Variants in ACSM2A observed in about 807,000 individuals in gnomAD.
ACSM2A encodes acyl-coenzyme A synthetase ACSM2A, mitochondrial.
ACSM2A carries 72 observed loss-of-function variants against 76.6 expected under a neutral mutation model. That is an observed-to-expected ratio of 0.94 (90% CI 0.78 to 1.14). The LOEUF is 1.14. ACSM2A is among the 50% of genes most tolerant of loss of function. ACSM2A has a pLI of 0.00. For synonymous variants in ACSM2A, 249 were observed against 255.9 expected (o/e 0.97, Z 0.26); for missense variants, 684 against 708.5 (o/e 0.97, Z 0.39).
In ACSM2A at chr16:20,470,751, G is replaced by A. The variant is rs893647740; in HGVS notation, c.597-322G>A. 20 of 520,646 alleles carry A rather than the reference G, an allele frequency of 3.8e-5. No homozygotes were observed. The Admixed American group carries it at 4.1e-4, about 11-fold the overall frequency. The allele number at this position is 520,646 out of a possible 1,614,324, so 32.3% of individuals were successfully genotyped here. A position where few individuals can be genotyped will look rare whatever the true frequency, so the allele number is the denominator to read the frequency against. ...TTAGCATTTATTGAGTTCTTACTAAGCAATTTGCTCATTTCTTTGGTGGTA... is the reference window on the plus strand; with the variant it reads ...TTAGCATTTATTGAGTTCTTACTAAACAATTTGCTCATTTCTTTGGTGGTA... On this transcript the variant is annotated intron_variant, in intron 4 of 13. Transcript: ENST00000573854.
intron 10 of ACSM2A, among the ~76,000 whole-genome samples, chr16:20,479,953 C>G (rs533265903): frequency 6.6e-6 from 1 of 152,190 alleles, no homozygotes; most frequent in South Asian, 2.1e-4. Flanking sequence ...GCTAAGAATC[C>G]TTTATGCCAC....
chr16:20,483,210 T>C (rs758208404), intron 13 of ACSM2A, 33 bp downstream of exon 13: 1 of 1,608,626 alleles, frequency 6.2e-7, no homozygotes, highest in Non-Finnish European at 8.5e-7. Context: ...TCACTCAAAC[T>C]TGAGAAATAG....
At chr16:20,463,137 C>T (rs530210629) in intron 2 of ACSM2A, among the ~76,000 whole-genome samples, 3,140 of 150,580 alleles carry the variant, frequency 0.021, 36 homozygotes, top group Non-Finnish European at 0.031. Flanking sequence ...TGTTAAATGA[C>T]GAGTTAAGCT....
intron 12 of ACSM2A, chr16:20,481,173 T>TA (rs923849210): frequency 6.0e-5 from 30 of 499,350 alleles, no homozygotes; most frequent in Non-Finnish European, 8.5e-5. Flanking sequence ...TGGTGATTTC[T>TA]AAAAAAACTA....
intron 2 of ACSM2A, among the ~76,000 whole-genome samples, chr16:20,463,252 G>A (rs1466265647): frequency 6.6e-6 from 1 of 151,090 alleles, no homozygotes; most frequent in Non-Finnish European, 1.5e-5. Context: ...GAAATATCAG[G>A]CAAATCCAAC....
At chr16:20,476,124 G>A in intron 8 of ACSM2A, 1 of 1,086,724 alleles carries the variant, frequency 9.2e-7, no homozygotes, top group Non-Finnish European at 1.1e-6. Flanking sequence ...CTCTGTGATG[G>A]GGAAACATTT....
intron 1 of ACSM2A, among the ~76,000 whole-genome samples, chr16:20,459,520 A>C (rs773473413): frequency 2.0e-5 from 3 of 152,186 alleles, no homozygotes; most frequent in Non-Finnish European, 4.4e-5. Context: ...GGCTCAGCTC[A>C]ACTCCACATT....
chr16:20,471,826 G>C (rs1250027493), intron 6 of ACSM2A, 137 bp downstream of exon 6: 3 of 1,445,138 alleles, frequency 2.1e-6, no homozygotes, highest in Non-Finnish European at 2.8e-6. Context: ...CAGTAAACGA[G>C]ATGGAAATGG....
chr16:20,471,550 A>T lies in ACSM2A; in HGVS notation c.755A>T (p.Gln252Leu). 1 of 1,613,184 alleles carries T rather than the reference A, an allele frequency of 6.2e-7. No individual in the cohort carries two copies. The stretch of plus-strand genomic sequence containing the variant: ...TGTGTTTTCAGTTGGACAGGCCTGC[A>T]AGCCTCTGATATAATGTGGACCATA... ...AKMDAGWTGL[Q>L]ASDIMWTISD... The change falls in exon 6 of 14, where the codon CAA becomes CTA. Residue 252 changes from glutamine (Q) to leucine (L), a missense_variant. Physicochemically the swap from Gln to Leu is moderately radical, Grantham distance 113 (BLOSUM62 -2). Transcript: ENST00000573854.
chr16:20,466,654 C>T (rs890258351), intron 3 of ACSM2A, among the ~76,000 whole-genome samples: 3 of 152,200 alleles, frequency 2.0e-5, no homozygotes, highest in African/African-American at 7.2e-5. Flanking sequence ...TGGGTTGAAG[C>T]TGTCTTCTTG....
chr16:20,484,641 G>A (rs1376569399), intron 13 of ACSM2A, among the ~76,000 whole-genome samples: 2 of 147,686 alleles, frequency 1.4e-5, no homozygotes, highest in African/African-American at 2.5e-5. Flanking sequence ...CTGAGCAGAC[G>A]GTGAGGTTGC....
intron 8 of ACSM2A, chr16:20,476,885 G>A: frequency 4.8e-6 from 1 of 209,752 alleles, no homozygotes; most frequent in South Asian, 1.7e-4. Context: ...ACTGCTTGAG[G>A]AAATGGATAC....
At chr16:20,473,123 G>A (rs750366104) in intron 6 of ACSM2A, among the ~76,000 whole-genome samples, 6 of 152,154 alleles carry the variant, frequency 3.9e-5, no homozygotes, top group Non-Finnish European at 8.8e-5. Flanking sequence ...TGTGCCCCCA[G>A]ATCTCTAATG....
At chr16:20,456,675 C>A (rs1379129366) in intron 1 of ACSM2A, among the ~76,000 whole-genome samples, 1 of 146,990 alleles carries the variant, frequency 6.8e-6, no homozygotes, top group African/African-American at 2.6e-5. Context: ...AAGTTCATAG[C>A]CTTAAATGCC....
chr16:20,473,861 G>C (rs1038072376), intron 6 of ACSM2A: 1 of 333,824 alleles, frequency 3.0e-6, no homozygotes, highest in South Asian at 2.4e-5. Flanking sequence ...TCTGTCTAAA[G>C]CCTAGTGCCA....
intron 3 of ACSM2A, among the ~76,000 whole-genome samples, chr16:20,468,619 C>A (rs532602738): frequency 6.6e-6 from 1 of 152,294 alleles, no homozygotes; most frequent in East Asian, 1.9e-4. Flanking sequence ...CTTGGCCTCC[C>A]AAAATGCTAG....
Position 20,464,984 on chromosome 16 carries a change from A to T in ACSM2A, c.178-533A>T, listed in dbSNP as rs889717822. ...AATTAAAAAAAGTAAATAGATAGAG[A>T]TACATATATAAATAAATCTAAAGTG... is the stretch of plus-strand genomic sequence containing the variant. On this transcript the variant is annotated intron_variant, in intron 2 of 13. Transcript: ENST00000573854. Among the ~76,000 whole-genome samples the T allele has an allele frequency of 4.0e-5, 6 of 151,142 alleles. No individual in the cohort carries two copies. In the South Asian group the frequency reaches 6.5e-4, roughly 16 times the overall value.
At chr16:20,476,557 T>G (rs1265915911) in intron 8 of ACSM2A, 1 of 985,298 alleles carries the variant, frequency 1.0e-6, no homozygotes, top group Non-Finnish European at 1.2e-6. Flanking sequence ...AAGCATACCC[T>G]GGCAGGGGCC....
At chr16:20,473,560 C>T (rs1225593878) in intron 6 of ACSM2A, among the ~76,000 whole-genome samples, 4 of 152,144 alleles carry the variant, frequency 2.6e-5, no homozygotes, top group East Asian at 1.9e-4. Flanking sequence ...ATGATACTCA[C>T]ATTTGTCATT....
Sources: allele counts gnomAD v4.1 joint callset (sites outside exome capture counted in the v4.1 genomes callset), GRCh38; gene constraint gnomAD v4.1.1; transcripts MANE v1.5; gene names NCBI Gene and HGNC (gene_info 2026-07-23, HGNC 2026-07-21).